Variants in ATXN10 observed in about 807,000 individuals in gnomAD.
The protein encoded by ATXN10 is ataxin-10.
In ATXN10, 28 loss-of-function variants were observed where a neutral mutation model predicts 52.9. The ratio of observed to expected loss-of-function variants is 0.53; its 90% CI spans 0.39 to 0.73. The LOEUF is 0.73. Ranked by LOEUF, ATXN10 falls within the 30% of genes least tolerant of loss-of-function variation. The probability of loss-of-function intolerance (pLI) is 0.00; values close to 1 mark genes in which losing one functional copy is unlikely to be tolerated. For missense variants in ATXN10, 565 were observed against 577.0 expected, an observed-to-expected ratio of 0.98 and a Z score of 0.21; for synonymous variants, 226 against 221.5, an observed-to-expected ratio of 1.02 and a Z score of -0.18.
chr22:45,793,403 C>T (rs887688903), intron 9 of ATXN10: 11 of 356,522 alleles, frequency 3.1e-5, no homozygotes, highest in Admixed American at 1.0e-4. Flanking sequence ...TACCAGCTGA[C>T]GGAAACATCT....
intron 9 of ATXN10, among the ~76,000 whole-genome samples, chr22:45,751,755 TAAAAA>T (rs1189214830): frequency 7.2e-4 from 74 of 103,208 alleles, no homozygotes; most frequent in African/African-American, 1.7e-3. Context: ...AAAAAAAAAA[TAAAAA>T]AAAAATAATA....
intron 7 of ATXN10, among the ~76,000 whole-genome samples, chr22:45,735,272 G>A (rs1925249163): frequency 1.3e-5 from 2 of 151,878 alleles, no homozygotes; most frequent in South Asian, 4.2e-4. Flanking sequence ...ACCATTTAGT[G>A]AATAATCTTA....
rs1040824142 is a variant in ATXN10 at position 45,688,820 on chromosome 22, G to A, written c.117-892G>A. 1.3e-5 allele frequency among the ~76,000 whole-genome samples: 2 copies of A among 152,210 alleles called. No individual in the cohort carries two copies. The highest frequency in any genetic ancestry group is 2.9e-5 in the Non-Finnish European group (2 of 68,044). On this transcript the variant is annotated intron_variant, in intron 1 of 11. Coordinates refer to ENST00000252934, the MANE Select transcript of ATXN10 (RefSeq NM_013236.4). The surrounding 1 kb of genome is among the most constrained non-coding windows in gnomAD (Gnocchi z 4.0). Reference sequence around the variant, plus strand: ...AGAATCTCTTAAATTGTCCAATGTGGCAACTTTCCTTCTAACGTTAAAAGA... The same window carrying A: ...AGAATCTCTTAAATTGTCCAATGTGACAACTTTCCTTCTAACGTTAAAAGA...
rs1192961849 is a variant in ATXN10 at position 45,820,347 on chromosome 22, C to T, written c.1237+13325C>T. On this transcript the variant is annotated intron_variant, in intron 10 of 11. Transcript: ENST00000252934. The surrounding 1 kb of genome is among the most constrained non-coding windows in gnomAD (Gnocchi z 4.9). ...GCCATTGTGATAATACAGGACAGAACGCTAAGGGGTGGTAGAAGAAAGGAT... is the reference window on the plus strand; with the variant it reads ...GCCATTGTGATAATACAGGACAGAATGCTAAGGGGTGGTAGAAGAAAGGAT... Among the ~76,000 whole-genome samples the T allele has an allele frequency of 1.3e-5, 2 of 152,160 alleles. No homozygotes were observed. The highest frequency in any genetic ancestry group is 6.5e-5 in the Admixed American group (1 of 15,270).
Position 45,775,353 on chromosome 22 carries a change from A to C in ATXN10, c.1174-31606A>C, listed in dbSNP as rs1039256247. ...GGTGCACCCTCTCTTAAGTGGCTTC[A>C]TGGAGATTTTGTAAGAAATTGAGAC... On this transcript the variant is annotated intron_variant, in intron 9 of 11. Transcript: ENST00000252934. The surrounding 1 kb of genome is among the most constrained non-coding windows in gnomAD (Gnocchi z 4.7). Among the ~76,000 whole-genome samples, 1 of 152,206 alleles carries C rather than the reference A, an allele frequency of 6.6e-6. No homozygotes were observed.
Position 45,681,417 on chromosome 22 carries a change from C to A in ATXN10, c.117-8295C>A, listed in dbSNP as rs1413975360. Among the ~76,000 whole-genome samples the A allele has an allele frequency of 6.6e-6, 1 of 152,196 alleles. No individual in the cohort carries two copies. Among genetic ancestry groups the A allele is most frequent in the African/African-American group, 2.4e-5 (1 of 41,432 alleles). ...TTGCTTCATCAAGTCTTTAACCTCACCAGGACCTACAGTCTTTTGACCCTA... is the reference window on the plus strand; with the variant it reads ...TTGCTTCATCAAGTCTTTAACCTCAACAGGACCTACAGTCTTTTGACCCTA... On this transcript the variant is annotated intron_variant, in intron 1 of 11. Transcript: ENST00000252934. This position sits in a 1 kb window ranked among gnomAD's most constrained non-coding sequence, Gnocchi z 4.2.
chr22:45,793,618 G>A, intron 9 of ATXN10: 1 of 1,332,370 alleles, frequency 7.5e-7, no homozygotes, highest in African/African-American at 1.5e-5. Flanking sequence ...TATTGCTTCA[G>A]AAGTCACAGT....
chr22:45,791,223 G>A (rs1927497899), intron 9 of ATXN10, among the ~76,000 whole-genome samples: 1 of 152,180 alleles, frequency 6.6e-6, no homozygotes, highest in Admixed American at 6.5e-5. Context: ...TAGTAAGACT[G>A]AAATACTTTT....
In ATXN10 at chr22:45,786,943, G is replaced by C. The variant is rs1428034435; in HGVS notation, c.1174-20016G>C. On this transcript the variant is annotated intron_variant, in intron 9 of 11. Coordinates refer to ENST00000252934, the MANE Select transcript of ATXN10 (RefSeq NM_013236.4). The surrounding 1 kb of genome is among the most constrained non-coding windows in gnomAD (Gnocchi z 4.1). Reference sequence around the variant, plus strand: ...TTCTCCAAAGGAAATAATCAGTGATGAGGTTAAAAAAAATTGTCTATATGG... The same window carrying C: ...TTCTCCAAAGGAAATAATCAGTGATCAGGTTAAAAAAAATTGTCTATATGG... Among the ~76,000 whole-genome samples the C allele has an allele frequency of 6.6e-6, 1 of 152,116 alleles. No homozygotes were observed. Among genetic ancestry groups the C allele is most frequent in the Non-Finnish European group, 1.5e-5 (1 of 68,024 alleles).
chr22:45,715,881 AT>A lies in ATXN10; in HGVS notation c.648-2530del, dbSNP rs1282628145. ...CTAGAAAAATTCCAAACTTTTGGAA[AT>A]TAACACATCTGATTGATTTGTCAAA... On this transcript the variant is annotated intron_variant, in intron 5 of 11. Transcript: ENST00000252934. The surrounding 1 kb of genome is among the most constrained non-coding windows in gnomAD (Gnocchi z 4.4). Among the ~76,000 whole-genome samples the A allele has an allele frequency of 5.9e-5, 9 of 152,346 alleles. No homozygotes were observed. The highest frequency in any genetic ancestry group is 5.9e-4 in the Admixed American group (9 of 15,302).
At chr22:45,832,847 GTACTTCAGAAATTTTTTAGAGAGA>G (rs1929037210) in intron 10 of ATXN10, among the ~76,000 whole-genome samples, 1 of 152,220 alleles carries the variant, frequency 6.6e-6, no homozygotes, top group Non-Finnish European at 1.5e-5. Context: ...GAAATATTCA[GTACTTCAGAAATTTTTTAGAGAGA>G]TACGCGTCAA....
chr22:45,718,484 A>G lies in ATXN10; in HGVS notation c.719A>G (p.Asn240Ser), dbSNP rs1242826525. The change falls in exon 6 of 12, where the codon AAT becomes AGT. Residue 240 changes from asparagine to serine, a missense_variant. Transcript: ENST00000252934. This position sits in a 1 kb window ranked among gnomAD's most constrained non-coding sequence, Gnocchi z 4.4. ...LVQAMFPKLNNQERVTLLDLM... is the reference protein window; with the variant it reads ...LVQAMFPKLNSQERVTLLDLM... The stretch of plus-strand genomic sequence containing the variant: ...CAAGCCATGTTTCCCAAACTGAACA[A>G]TCAAGAAAGGTAACCCCCCAACCAG... 3 of 1,613,470 alleles carry G rather than the reference A, an allele frequency of 1.9e-6. No homozygotes were observed. Among genetic ancestry groups the G allele is most frequent in the Admixed American group, 1.7e-5 (1 of 59,982 alleles).
At chr22:45,707,688 A>C (rs577150262) in intron 5 of ATXN10, among the ~76,000 whole-genome samples, 1 of 151,166 alleles carries the variant, frequency 6.6e-6, no homozygotes, top group South Asian at 2.1e-4. Flanking sequence ...CTCAAGTTAA[A>C]GGTATTAGAG....
At position 45,789,089 on chromosome 22, in the gene ATXN10, T is replaced by C. The variant is rs1927418686; in HGVS notation, c.1174-17870T>C. On this transcript the variant is annotated intron_variant, in intron 9 of 11. Coordinates refer to ENST00000252934, the MANE Select transcript of ATXN10 (RefSeq NM_013236.4). This position sits in a 1 kb window ranked among gnomAD's most constrained non-coding sequence, Gnocchi z 4.0. ...ATTGACAGTAAGGATGGAAAGTCACTGCTCTGTATCAGTGCTTCTTCAGAC... is the reference window on the plus strand; with the variant it reads ...ATTGACAGTAAGGATGGAAAGTCACCGCTCTGTATCAGTGCTTCTTCAGAC... 6.6e-6 allele frequency among the ~76,000 whole-genome samples: 1 copy of C among 152,196 alleles called. No homozygotes were observed. The highest frequency in any genetic ancestry group is 2.4e-5 in the African/African-American group (1 of 41,456).
At position 45,780,013 on chromosome 22, in the gene ATXN10, A is replaced by G. The variant is rs1392564259; in HGVS notation, c.1174-26946A>G. 3.3e-5 allele frequency among the ~76,000 whole-genome samples: 5 copies of G among 152,218 alleles called. No homozygotes were observed. The highest frequency in any genetic ancestry group is 9.6e-5 in the African/African-American group (4 of 41,452). On this transcript the variant is annotated intron_variant, in intron 9 of 11. Coordinates refer to ENST00000252934, the MANE Select transcript of ATXN10 (RefSeq NM_013236.4). This position sits in a 1 kb window ranked among gnomAD's most constrained non-coding sequence, Gnocchi z 4.0. ...TAAACATTTGAAGTTAATGTTTTTAATATCTAAGTATTCTACATTCGTGAA... is the reference window on the plus strand; with the variant it reads ...TAAACATTTGAAGTTAATGTTTTTAGTATCTAAGTATTCTACATTCGTGAA...
chr22:45,755,979 C>G (rs1451278536), intron 9 of ATXN10, among the ~76,000 whole-genome samples: 1 of 151,384 alleles, frequency 6.6e-6, no homozygotes, highest in Non-Finnish European at 1.5e-5. Flanking sequence ...GACCCATGCT[C>G]TGCACCACTA....
intron 3 of ATXN10, among the ~76,000 whole-genome samples, chr22:45,697,438 A>T (rs990546773): frequency 1.3e-5 from 2 of 151,900 alleles, no homozygotes; most frequent in African/African-American, 4.8e-5. Flanking sequence ...TCCGGCCTAA[A>T]AATCACCCTA....
chr22:45,704,939 A>G (rs982460192), intron 5 of ATXN10, among the ~76,000 whole-genome samples: 1 of 152,136 alleles, frequency 6.6e-6, no homozygotes, highest in Admixed American at 6.5e-5. Context: ...CTTTTCTTCT[A>G]CTTCTACTGA....
chr22:45,725,899 G>C (rs530289504), intron 6 of ATXN10, among the ~76,000 whole-genome samples: 3 of 152,016 alleles, frequency 2.0e-5, no homozygotes, highest in African/African-American at 4.8e-5. Flanking sequence ...TTTTTTCTGC[G>C]TCTATTGGGA....
Sources: gnomAD v4.1 joint callset for allele counts (sites outside exome capture counted in the v4.1 genomes callset) on GRCh38, gnomAD v4.1.1 for gene constraint, Gnocchi (gnomAD v3.1) non-coding constraint, MANE v1.5 for transcripts, NCBI Gene and HGNC (gene_info 2026-07-23, HGNC 2026-07-21) for gene names.